The following CHN2 variants were observed in gnomAD, a reference collection of about 807,000 sequenced individuals.
The protein encoded by CHN2 is chimerin 2, also known as beta-chimaerin.
In CHN2, 35 loss-of-function variants were observed where a neutral mutation model predicts 56.3. The observed-to-expected ratio is 0.62, with a 90% confidence interval of 0.47 to 0.82. CHN2 has a LOEUF of 0.82. Among genes scored for constraint, CHN2 ranks in the 40% least tolerant of loss-of-function variants. The pLI is 0.00. For synonymous variants in CHN2, 210 were observed against 212.8 expected (o/e 0.99, Z 0.12); for missense variants, 491 against 580.5 (o/e 0.85, Z 1.58).
intron 7 of CHN2, among the ~76,000 whole-genome samples, chr7:29,487,204 T>TCG (rs1258439578): frequency 1.7e-3 from 179 of 104,016 alleles, no homozygotes; most frequent in African/African-American, 5.4e-3. Flanking sequence ...GGGGCTTGTT[T>TCG]TGTTTTTTTT....
At chr7:29,396,164 T>C (rs943456981) in intron 4 of CHN2, among the ~76,000 whole-genome samples, 7 of 152,092 alleles carry the variant, frequency 4.6e-5, no homozygotes, top group Non-Finnish European at 1.0e-4. Flanking sequence ...TGCTTTTGAC[T>C]GGGCACAGTG....
intron 6 of CHN2, among the ~76,000 whole-genome samples, chr7:29,465,027 T>C (rs1218779639): frequency 6.6e-6 from 1 of 152,212 alleles, no homozygotes; most frequent in Non-Finnish European, 1.5e-5. Context: ...TTTGTTTTTA[T>C]AAATTCACAT....
chr7:29,371,599 C>G (rs1799622650), intron 3 of CHN2, among the ~76,000 whole-genome samples: 1 of 152,112 alleles, frequency 6.6e-6, no homozygotes, highest in Non-Finnish European at 1.5e-5. Flanking sequence ...GGAATGTTGA[C>G]TCTCAAATTT....
intron 2 of CHN2, chr7:29,147,187 GA>G (rs1792855700): frequency 1.7e-6 from 1 of 580,794 alleles, no homozygotes. Context: ...GACAGTACGG[GA>G]GCAAGAACTA....
chr7:29,147,875 T>G (rs888444907), intron 2 of CHN2, among the ~76,000 whole-genome samples: 1 of 152,174 alleles, frequency 6.6e-6, no homozygotes, highest in African/African-American at 2.4e-5. Flanking sequence ...CAAATATACC[T>G]TGGGAATTGA....
chr7:29,386,474 G>T (rs1362709144), intron 3 of CHN2, among the ~76,000 whole-genome samples: 1 of 152,092 alleles, frequency 6.6e-6, no homozygotes, highest in Non-Finnish European at 1.5e-5. Context: ...GCTGCGGAGG[G>T]ATTACAAAAG....
At chr7:29,389,505 A>C (rs901940218) in intron 3 of CHN2, among the ~76,000 whole-genome samples, 3 of 152,148 alleles carry the variant, frequency 2.0e-5, no homozygotes, top group Non-Finnish European at 4.4e-5. Flanking sequence ...CGAGATGGGG[A>C]TGCTGTCTGC....
In CHN2 at chr7:29,432,022, C is replaced by G. The variant is rs1018899644; in HGVS notation, c.576+31194C>G. 1.5e-4 allele frequency among the ~76,000 whole-genome samples: 23 copies of G among 152,320 alleles called. 1 individual carries two copies. Among genetic ancestry groups the G allele is most frequent in the African/African-American group, 5.1e-4 (21 of 41,578 alleles). ...AGCTTCAACTTCGGTTAAGTGCCCT[C>G]CATTTCTGCAGGATTTAGGGGTTTG... On this transcript the variant is annotated intron_variant, in intron 6 of 12. Transcript: ENST00000222792.
chr7:29,146,964 A>G (rs1488763652), intron 2 of CHN2: 2 of 1,550,934 alleles, frequency 1.3e-6, no homozygotes, highest in East Asian at 2.4e-5. Context: ...ACTAGCAGTA[A>G]GCTCGCACCA....
upstream of CHN2, among the ~76,000 whole-genome samples, chr7:29,190,437 G>T (rs1296428850): frequency 6.6e-6 from 1 of 152,160 alleles, no homozygotes; most frequent in Non-Finnish European, 1.5e-5. Flanking sequence ...TGCAGTGAGG[G>T]AGCACAGCTC....
intron 2 of CHN2, among the ~76,000 whole-genome samples, chr7:29,153,204 A>G (rs150445319): frequency 6.6e-6 from 1 of 152,340 alleles, no homozygotes; most frequent in Non-Finnish European, 1.5e-5. Context: ...AGTGTTACAT[A>G]TCTAGACATA....
intron 3 of CHN2, among the ~76,000 whole-genome samples, chr7:29,382,257 G>T (rs560763799): frequency 6.6e-6 from 1 of 152,316 alleles, no homozygotes; most frequent in East Asian, 1.9e-4. Context: ...TCCAGGGGCA[G>T]AGCATCTGGG....
At chr7:29,229,275 G>A (rs1786478505) in intron 1 of CHN2, among the ~76,000 whole-genome samples, 2 of 152,118 alleles carry the variant, frequency 1.3e-5, no homozygotes, top group Admixed American at 1.3e-4. Context: ...CCATTGGCAG[G>A]CAGGATGAAG....
intron 1 of CHN2, among the ~76,000 whole-genome samples, chr7:29,221,020 G>A (rs1458039770): frequency 1.3e-5 from 2 of 152,172 alleles, no homozygotes; most frequent in Admixed American, 6.5e-5. Flanking sequence ...GGAAAATTAT[G>A]TAATTATTTC....
intron 4 of CHN2, among the ~76,000 whole-genome samples, chr7:29,395,473 T>C (rs974221195): frequency 6.6e-6 from 1 of 151,878 alleles, no homozygotes; most frequent in East Asian, 1.9e-4. Flanking sequence ...ACTGAACCAT[T>C]GCACTCCAGC....
chr7:29,330,676 G>T (rs532631953), intron 1 of CHN2, among the ~76,000 whole-genome samples: 31 of 152,242 alleles, frequency 2.0e-4, no homozygotes, highest in Middle Eastern at 3.4e-3. Flanking sequence ...GCTGTGTGCA[G>T]GCGTATTATA....
At chr7:29,362,170 G>A (rs139752221) in intron 2 of CHN2, among the ~76,000 whole-genome samples, 1 of 152,220 alleles carries the variant, frequency 6.6e-6, no homozygotes, top group East Asian at 1.9e-4. Context: ...GCTCCTCATG[G>A]GACCTCTCCA....
At chr7:29,355,152 G>C (rs1235643757) in intron 2 of CHN2, among the ~76,000 whole-genome samples, 1 of 151,758 alleles carries the variant, frequency 6.6e-6, no homozygotes, top group Non-Finnish European at 1.5e-5. Context: ...TGTATTTTTA[G>C]TAGAGACGAG....
Position 29,512,691 on chromosome 7 carries a change from C to CTGAT in CHN2, c.1366_1369dup (p.Val457AspfsTer42). 1 of 1,614,196 alleles carries CTGAT rather than the reference C, an allele frequency of 6.2e-7. No homozygotes were observed. Among genetic ancestry groups the CTGAT allele is most frequent in the Non-Finnish European group, 8.5e-7 (1 of 1,180,026 alleles). On this transcript the variant is annotated frameshift_variant, in exon 13 of 13. Coordinates refer to ENST00000222792, the MANE Select transcript of CHN2 (RefSeq NM_004067.4). LOFTEE classifies it high-confidence loss of function. ...CCTGCATGATATGCGGTACCAAAAG[C>CTGAT]TGATTGTGCAGATTTTAATAGAAAA...
Sources: gnomAD v4.1 joint callset for allele counts (sites outside exome capture counted in the v4.1 genomes callset) on GRCh38, gnomAD v4.1.1 for gene constraint, MANE v1.5 for transcripts, NCBI Gene and HGNC (gene_info 2026-07-23, HGNC 2026-07-21) for gene names.